Variants in SDK1 observed in about 807,000 individuals in gnomAD.
SDK1 encodes the protein sidekick cell adhesion molecule 1.
In SDK1, 157 loss-of-function variants were observed where a neutral mutation model predicts 245.5. The ratio of observed to expected loss-of-function variants is 0.64; its 90% CI spans 0.56 to 0.73. The LOEUF (loss-of-function observed/expected upper bound fraction) is 0.73, where lower values mean the gene tolerates loss of function less well. Among genes scored for constraint, SDK1 ranks in the 30% least tolerant of loss-of-function variants. The probability of loss-of-function intolerance (pLI) is 0.00; values close to 1 mark genes in which losing one functional copy is unlikely to be tolerated. For missense variants in SDK1, 3,583 were observed against 3,002.3 expected (o/e 1.19, Z -4.52); for synonymous variants, 1,647 against 1,278.5 (o/e 1.29, Z -6.15).
chr7:3,498,610 G>T (rs574780685), intron 1 of SDK1, among the ~76,000 whole-genome samples: 24 of 152,210 alleles, frequency 1.6e-4, no homozygotes, highest in African/African-American at 5.8e-4. Flanking sequence ...TTTTCCATCT[G>T]TCGGCTTCCT....
intron 1 of SDK1, among the ~76,000 whole-genome samples, chr7:3,321,134 A>G (rs1361148320): frequency 6.6e-6 from 1 of 152,242 alleles, no homozygotes; most frequent in Non-Finnish European, 1.5e-5. Flanking sequence ...TACTACATGT[A>G]TTCATCATAC....
At chr7:3,991,283 G>A (rs951439179) in intron 14 of SDK1, among the ~76,000 whole-genome samples, 9 of 152,120 alleles carry the variant, frequency 5.9e-5, no homozygotes, top group African/African-American at 1.9e-4. Flanking sequence ...CGTTGCTGGC[G>A]GCGTGTATTG....
chr7:3,584,809 C>T (rs764069681), intron 1 of SDK1, among the ~76,000 whole-genome samples: 1 of 151,770 alleles, frequency 6.6e-6, no homozygotes, highest in Non-Finnish European at 1.5e-5. Flanking sequence ...CTTCAAGCTC[C>T]GCCTCCCGGG....
intron 5 of SDK1, among the ~76,000 whole-genome samples, chr7:3,940,580 C>T (rs1231148749): frequency 2.0e-5 from 3 of 152,128 alleles, no homozygotes; most frequent in Non-Finnish European, 2.9e-5. Flanking sequence ...TGGTGGCTCA[C>T]GCCTGTAATC....
intron 22 of SDK1, among the ~76,000 whole-genome samples, chr7:4,093,253 T>C (rs1229822733): frequency 1.3e-5 from 2 of 152,072 alleles, no homozygotes; most frequent in Admixed American, 1.3e-4. Flanking sequence ...ATGCAAATGT[T>C]ATATGTTTTC....
At chr7:3,859,983 G>A (rs1395980922) in intron 5 of SDK1, among the ~76,000 whole-genome samples, 1 of 151,354 alleles carries the variant, frequency 6.6e-6, no homozygotes, top group African/African-American at 2.4e-5. Flanking sequence ...GCAGTGGCAT[G>A]ATCTTGGCTC....
intron 1 of SDK1, among the ~76,000 whole-genome samples, chr7:3,549,857 A>C (rs1021110506): frequency 2.0e-5 from 3 of 152,022 alleles, no homozygotes; most frequent in Non-Finnish European, 4.4e-5. Flanking sequence ...TCCCATAGGC[A>C]TAGGCCGACT....
chr7:3,443,747 T>C (rs1371857342), intron 1 of SDK1, among the ~76,000 whole-genome samples: 1 of 152,216 alleles, frequency 6.6e-6, no homozygotes, highest in Non-Finnish European at 1.5e-5. Flanking sequence ...TAAATCTGTT[T>C]TTATTTGGTG....
At chr7:4,031,161 A>T (rs532053394) in intron 17 of SDK1, among the ~76,000 whole-genome samples, 1 of 152,082 alleles carries the variant, frequency 6.6e-6, no homozygotes, top group Admixed American at 6.5e-5. Context: ...TTAAGTATAC[A>T]TAGATATGTT....
At chr7:3,909,488 A>G (rs1779079110) in intron 5 of SDK1, among the ~76,000 whole-genome samples, 1 of 152,100 alleles carries the variant, frequency 6.6e-6, no homozygotes, top group Non-Finnish European at 1.5e-5. Context: ...ACACAGCAAC[A>G]CTGTCTACCT....
At chr7:3,364,633 C>A (rs950782864) in intron 1 of SDK1, among the ~76,000 whole-genome samples, 1 of 151,878 alleles carries the variant, frequency 6.6e-6, no homozygotes, top group Non-Finnish European at 1.5e-5. Flanking sequence ...TTTCATTGAT[C>A]TGTGTATGTC....
chr7:3,585,948 T>C (rs969979113), intron 1 of SDK1, among the ~76,000 whole-genome samples: 9 of 152,230 alleles, frequency 5.9e-5, no homozygotes, highest in Non-Finnish European at 5.9e-5. Context: ...AGACACAGTA[T>C]GTGGCTCTTT....
In SDK1 at chr7:4,224,470, G is replaced by T. The variant is rs536931756; in HGVS notation, c.5827+3106G>T. Among the ~76,000 whole-genome samples, 2 of 152,240 alleles carry T rather than the reference G, an allele frequency of 1.3e-5. 1 individual carries two copies. Among genetic ancestry groups the T allele is most frequent in the African/African-American group, 4.8e-5 (2 of 41,546 alleles). On this transcript the variant is annotated intron_variant, in intron 40 of 44. Transcript: ENST00000404826. Reference sequence around the variant, plus strand: ...CCCTATTGTAAGAACAGCACCAAAGGGGTGGTCCTAAAACCATTCATGAGA... The same window carrying T: ...CCCTATTGTAAGAACAGCACCAAAGTGGTGGTCCTAAAACCATTCATGAGA...
intron 4 of SDK1, among the ~76,000 whole-genome samples, chr7:3,815,036 A>C (rs539217015): frequency 7.2e-6 from 1 of 139,614 alleles, no homozygotes; most frequent in South Asian, 2.4e-4. Context: ...GGTTTTCTAG[A>C]TATACAATCA....
chr7:3,615,410 G>T (rs1272073873), intron 1 of SDK1, among the ~76,000 whole-genome samples: 1 of 151,720 alleles, frequency 6.6e-6, no homozygotes, highest in Non-Finnish European at 1.5e-5. Context: ...CTTAACGCAT[G>T]TCAGTTGCAG....
At chr7:3,726,790 T>C (rs1046013433) in intron 4 of SDK1, among the ~76,000 whole-genome samples, 3 of 152,224 alleles carry the variant, frequency 2.0e-5, no homozygotes, top group African/African-American at 7.2e-5. Flanking sequence ...CCAAACTTCC[T>C]GGGCTTTATT....
intron 2 of SDK1, among the ~76,000 whole-genome samples, chr7:3,620,060 C>T (rs751135574): frequency 3.4e-4 from 51 of 152,152 alleles, no homozygotes; most frequent in Non-Finnish European, 5.9e-4. Flanking sequence ...GCAAAATCAT[C>T]GCTGCCATGC....
chr7:3,495,403 T>G (rs1256703687), intron 1 of SDK1, among the ~76,000 whole-genome samples: 3 of 151,844 alleles, frequency 2.0e-5, no homozygotes, highest in Non-Finnish European at 4.4e-5. Context: ...GATTACAGCC[T>G]GTGTGACGCC....
rs182864422 is a variant in SDK1, at chr7:3,831,579, A to T, written c.847+9996A>T. 3.3e-5 allele frequency among the ~76,000 whole-genome samples: 5 copies of T among 152,274 alleles called. No homozygotes were observed. In the East Asian group the frequency reaches 9.7e-4, roughly 29 times the overall value. ...TGGTACCAACCTCTTCAATCATAACATGGTATTTTTGCTGAGTGTAGGCCT... is the reference window on the plus strand; with the variant it reads ...TGGTACCAACCTCTTCAATCATAACTTGGTATTTTTGCTGAGTGTAGGCCT... On this transcript the variant is annotated intron_variant, in intron 5 of 44. Transcript: ENST00000404826.
Sources: allele counts gnomAD v4.1 joint callset (sites outside exome capture counted in the v4.1 genomes callset), GRCh38; gene constraint gnomAD v4.1.1; transcripts MANE v1.5; gene names NCBI Gene and HGNC (gene_info 2026-07-23, HGNC 2026-07-21).